Variants in UST observed in about 807,000 individuals in gnomAD.
UST encodes uronyl 2-sulfotransferase.
Under a neutral mutation model 45.6 loss-of-function variants are expected in UST, and 21 were observed. The ratio of observed to expected loss-of-function variants is 0.46; its 90% CI spans 0.33 to 0.66. UST has a LOEUF of 0.66. Ranked by LOEUF, UST falls within the 30% of genes least tolerant of loss-of-function variation. UST has a pLI of 0.02. For synonymous variants in UST, 215 were observed against 200.6 expected, an observed-to-expected ratio of 1.07 and a Z score of -0.61; for missense variants, 463 against 512.4, an observed-to-expected ratio of 0.90 and a Z score of 0.93.
In UST at chr6:148,882,066, C is replaced by G. The variant is rs75655563; in HGVS notation, c.248-4920C>G. ...GCAAAGCATTTATAGCCTCTGAGTT[C>G]TAAGAAACCATGGGAGCACGGTGAT... On this transcript the variant is annotated intron_variant, in intron 1 of 7. Transcript: ENST00000367463. 7.6e-3 allele frequency among the ~76,000 whole-genome samples: 1,154 copies of G among 152,264 alleles called. 24 individuals carry two copies. The highest frequency in any genetic ancestry group is 0.062 in the East Asian group (320 of 5,184).
At chr6:149,044,434 A>G (rs1216281420) in intron 7 of UST, among the ~76,000 whole-genome samples, 1 of 152,142 alleles carries the variant, frequency 6.6e-6, no homozygotes, top group African/African-American at 2.4e-5. Context: ...CTTTTTCCCT[A>G]GTATCAGTGA....
chr6:148,822,871 A>G (rs1777492776), intron 1 of UST, among the ~76,000 whole-genome samples: 1 of 152,238 alleles, frequency 6.6e-6, no homozygotes, highest in Non-Finnish European at 1.5e-5. Flanking sequence ...TAAAGAATAA[A>G]TAAGATTTTA....
intron 7 of UST, among the ~76,000 whole-genome samples, chr6:149,044,286 A>G (rs1424967478): frequency 1.3e-5 from 2 of 152,196 alleles, no homozygotes; most frequent in African/African-American, 4.8e-5. Context: ...CAATATTAGC[A>G]TATTCTTTTA....
intron 7 of UST, among the ~76,000 whole-genome samples, chr6:149,030,074 A>G (rs551371780): frequency 1.1e-4 from 17 of 152,302 alleles, no homozygotes; most frequent in Admixed American, 3.3e-4. Flanking sequence ...ATCTCATTTG[A>G]TTCTTACACA....
At chr6:149,064,550 A>T (rs148068383) in intron 7 of UST, among the ~76,000 whole-genome samples, 116 of 152,326 alleles carry the variant, frequency 7.6e-4, no homozygotes, top group African/African-American at 2.7e-3. Flanking sequence ...CTATTCAACA[A>T]ATCTTTGCAG....
intron 1 of UST, among the ~76,000 whole-genome samples, chr6:148,857,806 G>T (rs564736050): frequency 1.0e-3 from 152 of 150,590 alleles, no homozygotes; most frequent in African/African-American, 3.4e-3. Flanking sequence ...GGAGGAAGAA[G>T]CATAGCAAGT....
intron 1 of UST, among the ~76,000 whole-genome samples, chr6:148,786,852 T>C (rs114603763): frequency 0.011 from 1,678 of 152,318 alleles, 24 homozygotes; most frequent in African/African-American, 0.038. Context: ...ACATTCCTTT[T>C]TCTCCACAAC....
chr6:149,061,090 T>A (rs1776648353), intron 7 of UST, among the ~76,000 whole-genome samples: 1 of 151,738 alleles, frequency 6.6e-6, no homozygotes, highest in Non-Finnish European at 1.5e-5. Flanking sequence ...ACACTGCAAG[T>A]TGGTGGTGAG....
intron 1 of UST, among the ~76,000 whole-genome samples, chr6:148,799,242 C>T (rs1011457321): frequency 6.6e-6 from 1 of 152,138 alleles, no homozygotes; most frequent in African/African-American, 2.4e-5. Flanking sequence ...GGGCAGGCAT[C>T]CCAGGTTAAG....
chr6:149,049,931 T>TCTCTCTCACA (rs1475301439), intron 7 of UST, among the ~76,000 whole-genome samples: 1 of 134,546 alleles, frequency 7.4e-6, no homozygotes, highest in East Asian at 2.1e-4. Flanking sequence ...TCTCTCTCTC[T>TCTCTCTCACA]CACACACACA....
chr6:148,912,880 C>T (rs1582893762), intron 2 of UST, among the ~76,000 whole-genome samples: 1 of 152,142 alleles, frequency 6.6e-6, no homozygotes. Context: ...ACAGGGTGCA[C>T]CTCAGTTGTT....
chr6:148,982,659 C>T (rs1417660135), intron 5 of UST, among the ~76,000 whole-genome samples: 2 of 152,182 alleles, frequency 1.3e-5, no homozygotes, highest in African/African-American at 4.8e-5. Flanking sequence ...TTAAGCTACA[C>T]CAGTTTACTC....
At chr6:148,884,769 C>T (rs1464147508) in intron 1 of UST, among the ~76,000 whole-genome samples, 1 of 152,078 alleles carries the variant, frequency 6.6e-6, no homozygotes, top group Non-Finnish European at 1.5e-5. Context: ...AGACACAAGG[C>T]ATCTCTCATA....
chr6:149,030,164 C>T (rs536317438), intron 7 of UST, among the ~76,000 whole-genome samples: 1 of 152,214 alleles, frequency 6.6e-6, no homozygotes, highest in Non-Finnish European at 1.5e-5. Flanking sequence ...GGCTGAACAA[C>T]TTGCTCACAG....
chr6:148,843,482 G>A (rs1000409679), intron 1 of UST, among the ~76,000 whole-genome samples: 2 of 152,226 alleles, frequency 1.3e-5, no homozygotes, highest in Non-Finnish European at 2.9e-5. Flanking sequence ...TTTCCCAAAA[G>A]TGAGCTAATG....
intron 7 of UST, among the ~76,000 whole-genome samples, chr6:149,069,319 C>A (rs1277144238): frequency 6.6e-6 from 1 of 152,190 alleles, no homozygotes; most frequent in Admixed American, 6.5e-5. Context: ...ACTCTCCATA[C>A]TGTTTACCAT....
chr6:149,029,130 T>C (rs1776096763), intron 7 of UST, among the ~76,000 whole-genome samples: 1 of 151,952 alleles, frequency 6.6e-6, no homozygotes, highest in Admixed American at 6.6e-5. Context: ...TATGTCCAAT[T>C]TGAGGCCTAA....
chr6:148,856,884 C>T (rs1306404368), intron 1 of UST, among the ~76,000 whole-genome samples: 1 of 151,542 alleles, frequency 6.6e-6, no homozygotes, highest in Non-Finnish European at 1.5e-5. Context: ...TCAGAGATAA[C>T]ATTTTAGAAT....
intron 7 of UST, among the ~76,000 whole-genome samples, chr6:149,052,656 G>A (rs1230495883): frequency 6.6e-6 from 1 of 152,140 alleles, no homozygotes; most frequent in Non-Finnish European, 1.5e-5. Context: ...TGAGGGAGAT[G>A]GGGTAGCTAG....
Sources: allele counts gnomAD v4.1 joint callset (sites outside exome capture counted in the v4.1 genomes callset), GRCh38; gene constraint gnomAD v4.1.1; transcripts MANE v1.5; gene names NCBI Gene and HGNC (gene_info 2026-07-23, HGNC 2026-07-21).